CD151: variants seen among roughly 807,000 people sequenced by gnomAD.
The protein encoded by CD151 is CD151 molecule (Raph blood group).
CD151 carries 20 observed loss-of-function variants against 34.2 expected under a neutral mutation model. That is an observed-to-expected ratio of 0.58 (90% CI 0.41 to 0.85). The LOEUF is 0.85. Among genes scored for constraint, CD151 ranks in the 40% least tolerant of loss-of-function variants. CD151 has a pLI of 0.00. For missense variants in CD151, 306 were observed against 324.5 expected, an observed-to-expected ratio of 0.94 and a Z score of 0.44; for synonymous variants, 157 against 131.7, an observed-to-expected ratio of 1.19 and a Z score of -1.32.
intron 7 of CD151, 112 bp from the exon 8 acceptor site, chr11:837,830 G>A: frequency 3.3e-6 from 3 of 904,842 alleles, no homozygotes. Flanking sequence ...TTGGTGGCCT[G>A]GCTGCCTAGG....
At chr11:836,631 A>T (rs1222212427) in intron 4 of CD151, 138 bp from the exon 5 acceptor site, 2 of 897,132 alleles carry the variant, frequency 2.2e-6, no homozygotes, top group East Asian at 5.3e-5. Flanking sequence ...CAGCTCCGCA[A>T]GAAAGCTTCA....
In CD151 at chr11:836,054, C is replaced by T; in HGVS notation, c.-7-9C>T. On this transcript the variant is annotated splice_polypyrimidine_tract_variant and intron_variant, in intron 2 of 8. Transcript: ENST00000397420. ...TGTGGCCCCGCTGACCCCTCCCCTG[C>T]CTCCTCAGCCCCAGGATGGGTGAGT... is the stretch of plus-strand genomic sequence containing the variant. The T allele has an allele frequency of 1.3e-6, 2 of 1,581,648 alleles. No individual in the cohort carries two copies. Among genetic ancestry groups the T allele is most frequent in the Non-Finnish European group, 1.7e-6 (2 of 1,151,712 alleles).
At chr11:835,925 G>C (rs1846746280) in intron 2 of CD151, 138 bp from the exon 3 acceptor site, 1 of 652,380 alleles carries the variant, frequency 1.5e-6, no homozygotes, top group African/African-American at 1.8e-5. Context: ...CTGACCTTGT[G>C]ATCTGCCTGC....
At chr11:837,166 C>G in intron 5 of CD151, 84 bp from the exon 6 acceptor site, 1 of 1,170,650 alleles carries the variant, frequency 8.5e-7, no homozygotes, top group South Asian at 1.3e-5. Flanking sequence ...CCCCGGGCCT[C>G]CCCACCGGCC....
intron 4 of CD151, 32 bp from the exon 5 acceptor site, chr11:836,735 CAG>C (rs759833283): frequency 7.5e-6 from 12 of 1,603,484 alleles, no homozygotes; most frequent in Non-Finnish European, 1.0e-5. Context: ...CACTAGGCCT[CAG>C]AACAAGGGTG....
intron 1 of CD151, among the ~76,000 whole-genome samples, chr11:833,536 T>TC (rs1846621213): frequency 6.6e-6 from 1 of 152,094 alleles, no homozygotes; most frequent in African/African-American, 2.4e-5. Context: ...TGACTGGGGC[T>TC]CCCCCTGATA....
chr11:837,016 C>T, intron 5 of CD151, 173 bp downstream of exon 5: 1 of 669,704 alleles, frequency 1.5e-6, no homozygotes, highest in Non-Finnish European at 2.7e-6. Flanking sequence ...CACATGGGGT[C>T]AGGCAGGTGT....
At chr11:837,380 C>T (rs769837876) in intron 6 of CD151, 26 bp downstream of exon 6, 8 of 1,607,664 alleles carry the variant, frequency 5.0e-6, no homozygotes, top group South Asian at 2.2e-5. Context: ...TGGGAGGGCG[C>T]GTGCATCCCC....
chr11:838,081 G>A (rs777401956), intron 8 of CD151, 52 bp from the exon 9 acceptor site: 61 of 1,605,296 alleles, frequency 3.8e-5, no homozygotes, highest in Non-Finnish European at 5.2e-5. Flanking sequence ...GGGCAGGGCG[G>A]TGGCTGGTGG....
At chr11:833,686 C>T (rs1846630269) in intron 1 of CD151, among the ~76,000 whole-genome samples, 2 of 144,640 alleles carry the variant, frequency 1.4e-5, no homozygotes, top group Non-Finnish European at 3.0e-5. Context: ...CAGCGGGTCG[C>T]CTGTGTCCTC....
In CD151 at chr11:838,716, CCCT is replaced by C; in HGVS notation, c.*525_*527del. The stretch of plus-strand genomic sequence containing the variant: ...AATGCCACGTGGTCACTGTGCACTG[CCCT>C]GTTCATGTGCCTCTGCGGGGCAGGG... On this transcript the variant is annotated 3_prime_UTR_variant, in exon 9 of 9. Coordinates refer to ENST00000397420, the MANE Select transcript of CD151 (RefSeq NM_004357.5). 2 of 181,788 alleles carry C rather than the reference CCCT, an allele frequency of 1.1e-5. No homozygotes were observed. Among genetic ancestry groups the C allele is most frequent in the Non-Finnish European group, 2.3e-5 (2 of 85,490 alleles). The allele number at this position is 181,788 out of a possible 1,614,324, so 11.3% of individuals were successfully genotyped here.
At chr11:837,865 C>T in intron 7 of CD151, 77 bp from the exon 8 acceptor site, 1 of 1,216,628 alleles carries the variant, frequency 8.2e-7, no homozygotes, top group Admixed American at 2.0e-5. Flanking sequence ...TTGGCCACAC[C>T]CTGGAGGCTG....
At chr11:837,676 A>ACCTC in intron 7 of CD151, 58 bp downstream of exon 7, 1 of 1,546,368 alleles carries the variant, frequency 6.5e-7, no homozygotes, top group Non-Finnish European at 8.9e-7. Flanking sequence ...GGGGCACCCC[A>ACCTC]GTGACTGGCT....
chr11:837,297 C>T lies in CD151; in HGVS notation c.399C>T (p.Arg133=), dbSNP rs779144321. The T allele has an allele frequency of 5.6e-6, 9 of 1,612,962 alleles. No individual in the cohort carries two copies. In the South Asian group the frequency reaches 8.8e-5, roughly 16 times the overall value. Residue 133 remains arginine, a synonymous_variant, in exon 6 of 9, where the codon CGC becomes CGT. Transcript: ENST00000397420. Reference sequence around the variant, plus strand: ...ACCTGAAGGACACCATGACCAAGCGCTACCACCAGCCGGGCCATGAGGCTG... The same window carrying T: ...ACCTGAAGGACACCATGACCAAGCGTTACCACCAGCCGGGCCATGAGGCTG... ...KENLKDTMTK[R]YHQPGHEAVT...
At chr11:836,223 T>C in intron 3 of CD151, 28 bp from the exon 4 acceptor site, 1 of 1,570,598 alleles carries the variant, frequency 6.4e-7, no homozygotes. Context: ...CCTGGGCAGA[T>C]GCGATGACCT....
intron 7 of CD151, 148 bp from the exon 8 acceptor site, chr11:837,794 G>A: frequency 1.2e-6 from 1 of 848,214 alleles, no homozygotes; most frequent in Non-Finnish European, 1.8e-6. Flanking sequence ...GGAAGTGGGT[G>A]GGCAGCCCAG....
chr11:836,509 G>A, intron 4 of CD151, 67 bp downstream of exon 4: 3 of 1,234,894 alleles, frequency 2.4e-6, no homozygotes, highest in Non-Finnish European at 3.4e-6. Flanking sequence ...GTCGCTGCAG[G>A]CTTTGAACCT....
intron 1 of CD151, 49 bp downstream of exon 1, chr11:833,075 G>C (rs957227673): frequency 9.3e-5 from 14 of 150,042 alleles, no homozygotes; most frequent in African/African-American, 3.4e-4. Flanking sequence ...AGCGGGGCGA[G>C]GGGGGCGAGG....
At chr11:837,226 A>T in intron 5 of CD151, 24 bp from the exon 6 acceptor site, 2 of 1,592,292 alleles carry the variant, frequency 1.3e-6, no homozygotes, top group Non-Finnish European at 1.7e-6. Flanking sequence ...ACTGAGGCTG[A>T]AGTTTCCTGC....
Sources: allele counts gnomAD v4.1 joint callset (sites outside exome capture counted in the v4.1 genomes callset), GRCh38; gene constraint gnomAD v4.1.1; transcripts MANE v1.5; gene names NCBI Gene and HGNC (gene_info 2026-07-23, HGNC 2026-07-21).